Variants in GPR132 observed in about 807,000 individuals in gnomAD.
GPR132 encodes G protein-coupled receptor 132.
Under a neutral mutation model 1.9 loss-of-function variants are expected in GPR132, and 4 were observed. The observed-to-expected ratio is 2.13, with a 90% confidence interval of 1.05 to 4.87. The LOEUF (loss-of-function observed/expected upper bound fraction) is 4.87. GPR132 is among the 30% of genes most tolerant of loss of function. The probability of loss-of-function intolerance (pLI) is 0.01; values close to 1 mark genes in which losing one functional copy is unlikely to be tolerated. For synonymous variants in GPR132, 233 were observed against 234.2 expected, an observed-to-expected ratio of 0.99 and a Z score of 0.05; for missense variants, 404 against 512.5, an observed-to-expected ratio of 0.79 and a Z score of 2.04.
rs1399482831 is a variant in GPR132, at chr14:105,055,503, C to T, written c.-83G>A. The T allele has an allele frequency of 1.7e-5, 13 of 769,000 alleles. No homozygotes were observed. The East Asian group carries it at 2.9e-4, about 17-fold the overall frequency. The allele number at this position is 769,000 out of a possible 1,614,324, so 47.6% of individuals were successfully genotyped here. A position where few individuals can be genotyped will look rare whatever the true frequency, so the allele number is the denominator to read the frequency against. On this transcript the variant is annotated 5_prime_UTR_variant, in exon 3 of 4. In the 5' UTR this introduces an upstream ATG that the reference lacks. Transcript: ENST00000329797. This position sits in a 1 kb window ranked among gnomAD's most constrained non-coding sequence, Gnocchi z 4.7. ...AACGGAGACTCTGCCCCAGGAAGCA[C>T]TCGCTCCGCATTTGCTCCCAGCCCC...
chr14:105,053,474 C>T (rs1384001398), intron 3 of GPR132, among the ~76,000 whole-genome samples: 2 of 152,096 alleles, frequency 1.3e-5, no homozygotes, highest in Non-Finnish European at 2.9e-5. Flanking sequence ...TGTAGTCTTA[C>T]CACATATTTG....
Position 105,060,389 on chromosome 14 carries a change from A to G in GPR132, c.-860-3109T>C, listed in dbSNP as rs59889078. On this transcript the variant is annotated intron_variant, in intron 1 of 3. Transcript: ENST00000329797. This position sits in a 1 kb window ranked among gnomAD's most constrained non-coding sequence, Gnocchi z 6.3. ...GCTGGGGGCATGTCAGAGCCACCTG[A>G]GACCAGTCCTGTTCCTTCTGAGCCC... 1.5e-3 allele frequency among the ~76,000 whole-genome samples: 226 copies of G among 152,238 alleles called. 6 individuals carry two copies. The East Asian group carries it at 0.027, about 18-fold the overall frequency.
chr14:105,057,716 T>C (rs994354295), intron 1 of GPR132, among the ~76,000 whole-genome samples: 1 of 139,564 alleles, frequency 7.2e-6, no homozygotes, highest in Non-Finnish European at 1.5e-5. Context: ...TGAGACAGAG[T>C]CGCACTCTGT....
At chr14:105,057,779 C>G (rs891269632) in intron 1 of GPR132, among the ~76,000 whole-genome samples, 4 of 151,536 alleles carry the variant, frequency 2.6e-5, no homozygotes, top group Non-Finnish European at 4.4e-5. Flanking sequence ...ACCTCCGCCT[C>G]CTGGGTTCAA....
In GPR132 at chr14:105,055,298, G is replaced by C. The variant is rs570208913; in HGVS notation, c.34+89C>G. The C allele has an allele frequency of 3.9e-6, 3 of 775,814 alleles. No homozygotes were observed. The South Asian group carries it at 4.0e-5, about 10-fold the overall frequency. The allele number at this position is 775,814 out of a possible 1,614,324, so 48.1% of individuals were successfully genotyped here. On this transcript the variant is annotated intron_variant, in intron 3 of 3. Transcript: ENST00000329797. This position sits in a 1 kb window ranked among gnomAD's most constrained non-coding sequence, Gnocchi z 4.7. ...GCCGAGATTGTGCCACTGCACTCCA[G>C]CCTGGGCGATAGAGTGAGACTCAAT...
chr14:105,053,174 G>A (rs1886698768), intron 3 of GPR132, among the ~76,000 whole-genome samples: 1 of 119,710 alleles, frequency 8.4e-6, no homozygotes, highest in Admixed American at 9.2e-5. Flanking sequence ...TTTTTTTGGA[G>A]ATGGAGTCTC....
chr14:105,061,745 G>T lies in GPR132; in HGVS notation c.-861+3634C>A, dbSNP rs570009827. On this transcript the variant is annotated intron_variant, in intron 1 of 3. Coordinates refer to ENST00000329797, the MANE Select transcript of GPR132 (RefSeq NM_013345.4). ...CAGGAAGCAGGCACCACCCTCCTGG[G>T]GGGGGGGAGTCCCTCCTGGGCTGTG... Among the ~76,000 whole-genome samples, 29 of 152,280 alleles carry T rather than the reference G, an allele frequency of 1.9e-4. No homozygotes were observed. In the Middle Eastern group the frequency reaches 0.017, roughly 89 times the overall value.
chr14:105,054,024 C>G, intron 3 of GPR132: 1 of 1,287,086 alleles, frequency 7.8e-7, no homozygotes. Context: ...GTGACTTCCC[C>G]AAGCTCTGCC....
In GPR132 at chr14:105,055,147, T is replaced by C. The variant is rs184455058; in HGVS notation, c.34+240A>G. 2.0e-3 allele frequency among the ~76,000 whole-genome samples: 306 copies of C among 151,310 alleles called. 1 individual carries two copies. The highest frequency in any genetic ancestry group is 7.3e-3 in the African/African-American group (300 of 41,210). ...GAGTTCCAGACCAGCCTGACCAACA[T>C]GGTGAAATCCCATCTCTATTAAAAA... On this transcript the variant is annotated intron_variant, in intron 3 of 3. Coordinates refer to ENST00000329797, the MANE Select transcript of GPR132 (RefSeq NM_013345.4). This position sits in a 1 kb window ranked among gnomAD's most constrained non-coding sequence, Gnocchi z 4.7.
rs745815232 is a variant in GPR132, at chr14:105,051,972, C to T, written c.165G>A (p.Leu55=). The change falls in exon 4 of 4, where the codon CTG becomes CTA. Residue 55 remains leucine (L), a synonymous_variant. Coordinates refer to ENST00000329797, the MANE Select transcript of GPR132 (RefSeq NM_013345.4). The surrounding 1 kb of genome is among the most constrained non-coding windows in gnomAD (Gnocchi z 8.0). ...LVVVYSAVCT[L]GVPANCLTAW... is the part of the protein sequence containing the mutation. ...CAGTCAGGCAGTTGGCCGGCACCCCCAGCGTGCACACCGCGCTGTACACCA... is the reference window on the plus strand; with the variant it reads ...CAGTCAGGCAGTTGGCCGGCACCCCTAGCGTGCACACCGCGCTGTACACCA... The T allele has an allele frequency of 1.1e-5, 17 of 1,613,432 alleles. No homozygotes were observed. The highest frequency in any genetic ancestry group is 2.2e-5 in the East Asian group (1 of 44,878).
At position 105,051,416 on chromosome 14, in the gene GPR132, T is replaced by C. The variant is rs1886636128; in HGVS notation, c.721A>G (p.Lys241Glu). The change falls in exon 4 of 4, where the codon AAG becomes GAG. Residue 241 changes from lysine to glutamate, a missense_variant. Transcript: ENST00000329797. This position sits in a 1 kb window ranked among gnomAD's most constrained non-coding sequence, Gnocchi z 8.0. Reference sequence around the variant, plus strand: ...ACAACCACCGCGATGGCCGAGTGCTTCACCTTGGCCTTCTGGGCAGCGCTT... The same window carrying C: ...ACAACCACCGCGATGGCCGAGTGCTCCACCTTGGCCTTCTGGGCAGCGCTT... ...GLSAAQKAKV[K>E]HSAIAVVVIF... 6.2e-7 allele frequency: 1 copy of C among 1,613,968 alleles called. No individual in the cohort carries two copies. Among genetic ancestry groups the C allele is most frequent in the Non-Finnish European group, 8.5e-7 (1 of 1,180,010 alleles).
chr14:105,050,679 C>T lies in GPR132; in HGVS notation c.*315G>A. On this transcript the variant is annotated 3_prime_UTR_variant, in exon 4 of 4. Transcript: ENST00000329797. This position sits in a 1 kb window ranked among gnomAD's most constrained non-coding sequence, Gnocchi z 4.0. Reference sequence around the variant, plus strand: ...CAGGGCAGCCACCAGGTACCTCTGCCAGCAGGCGTGCTACCTGCCCACAGC... The same window carrying T: ...CAGGGCAGCCACCAGGTACCTCTGCTAGCAGGCGTGCTACCTGCCCACAGC... The T allele has an allele frequency of 2.3e-6, 1 of 442,866 alleles. No individual in the cohort carries two copies. Among genetic ancestry groups the T allele is most frequent in the Non-Finnish European group, 4.1e-6 (1 of 243,958 alleles). The allele number at this position is 442,866 out of a possible 1,614,324, so 27.4% of individuals were successfully genotyped here.
At position 105,057,276 on chromosome 14, in the gene GPR132, ATGACCTGG is replaced by A; in HGVS notation, c.-860-4_-857del. 1 of 796,682 alleles carries A rather than the reference ATGACCTGG, an allele frequency of 1.3e-6. No homozygotes were observed. The highest frequency in any genetic ancestry group is 1.7e-5 in the African/African-American group (1 of 58,622). The allele number at this position is 796,682 out of a possible 1,614,324, so 49.4% of individuals were successfully genotyped here. The stretch of plus-strand genomic sequence containing the variant: ...AAGACGTTCACTCTGAGAGTTTAAA[ATGACCTGG>A]AAAAAGAGTAGGTTGAAATTGTTTT... On this transcript the variant is annotated splice_acceptor_variant and splice_polypyrimidine_tract_variant and 5_prime_UTR_variant and intron_variant, in exon 2 of 4. Transcript: ENST00000329797. LOFTEE classifies it low-confidence loss of function (5UTR_SPLICE).
In GPR132 at chr14:105,049,787, A is replaced by G. The variant is rs1886581389; in HGVS notation, c.*1207T>C. Reference sequence around the variant, plus strand: ...AGAGCAAGGCCCTGTCTCTAAAAAAATAAATATTAAAAACAAAAACAAAAA... The same window carrying G: ...AGAGCAAGGCCCTGTCTCTAAAAAAGTAAATATTAAAAACAAAAACAAAAA... On this transcript the variant is annotated 3_prime_UTR_variant, in exon 4 of 4. Coordinates refer to ENST00000329797, the MANE Select transcript of GPR132 (RefSeq NM_013345.4). The G allele has an allele frequency of 6.6e-6, 1 of 152,360 alleles. No individual in the cohort carries two copies. The highest frequency in any genetic ancestry group is 1.5e-5 in the Non-Finnish European group (1 of 68,128). 9.4% of individuals were successfully genotyped at this position (152,360 alleles called of 1,614,324 possible).
In GPR132 at chr14:105,056,347, C is replaced by G. The variant is rs1030213261; in HGVS notation, c.-746-181G>C. Reference sequence around the variant, plus strand: ...CCCAGATGGCTCTTTTCCCATCAAACGAGTGCCCCAGCCCCGCTGTGCGAG... The same window carrying G: ...CCCAGATGGCTCTTTTCCCATCAAAGGAGTGCCCCAGCCCCGCTGTGCGAG... On this transcript the variant is annotated intron_variant, in intron 2 of 3. Coordinates refer to ENST00000329797, the MANE Select transcript of GPR132 (RefSeq NM_013345.4). This position sits in a 1 kb window ranked among gnomAD's most constrained non-coding sequence, Gnocchi z 6.0. Among the ~76,000 whole-genome samples the G allele has an allele frequency of 2.6e-5, 4 of 152,308 alleles. No individual in the cohort carries two copies. Among genetic ancestry groups the G allele is most frequent in the Non-Finnish European group, 5.9e-5 (4 of 68,020 alleles).
chr14:105,058,464 T>C (rs1436544589), intron 1 of GPR132, among the ~76,000 whole-genome samples: 1 of 152,274 alleles, frequency 6.6e-6, no homozygotes, highest in Non-Finnish European at 1.5e-5. Context: ...AAATCTTTTT[T>C]TGGCCTATCA....
chr14:105,055,812 A>ACGTGTGG lies in GPR132; in HGVS notation c.-399_-393dup, dbSNP rs201906275. On this transcript the variant is annotated 5_prime_UTR_variant, in exon 3 of 4. It removes the in-frame stop codon of an upstream open reading frame in the 5' UTR. Coordinates refer to ENST00000329797, the MANE Select transcript of GPR132 (RefSeq NM_013345.4). This position sits in a 1 kb window ranked among gnomAD's most constrained non-coding sequence, Gnocchi z 4.7. ...GCCCTTCCATCTTGAGCAATCCTGC[A>ACGTGTGG]CGTGTGGCGTGTGGCGTGTGGCGTG... 4.1e-3 allele frequency: 883 copies of ACGTGTGG among 213,346 alleles called. 9 individuals are homozygous for ACGTGTGG. The highest frequency in any genetic ancestry group is 0.018 in the African/African-American group (802 of 43,990). The allele number at this position is 213,346 out of a possible 1,614,324, so 13.2% of individuals were successfully genotyped here. A position where few individuals can be genotyped will look rare whatever the true frequency, so the allele number is the denominator to read the frequency against.
chr14:105,064,490 C>T (rs568889399), intron 1 of GPR132, among the ~76,000 whole-genome samples: 4 of 152,174 alleles, frequency 2.6e-5, no homozygotes, highest in African/African-American at 9.6e-5. Context: ...TGTGCCAACA[C>T]GCCCGGCTAA....
chr14:105,056,234 A>C lies in GPR132; in HGVS notation c.-746-68T>G. On this transcript the variant is annotated intron_variant, in intron 2 of 3. Coordinates refer to ENST00000329797, the MANE Select transcript of GPR132 (RefSeq NM_013345.4). This position sits in a 1 kb window ranked among gnomAD's most constrained non-coding sequence, Gnocchi z 6.0. Reference sequence around the variant, plus strand: ...CTCAGTTGTCACCACTTCGCCCAAGACACAGGCCTGTGGCGGGCGGCGGGG... The same window carrying C: ...CTCAGTTGTCACCACTTCGCCCAAGCCACAGGCCTGTGGCGGGCGGCGGGG... 1.1e-6 allele frequency: 1 copy of C among 933,804 alleles called. No individual in the cohort carries two copies. The highest frequency in any genetic ancestry group is 1.3e-6 in the Non-Finnish European group (1 of 783,124). 57.8% of individuals were successfully genotyped at this position (933,804 alleles called of 1,614,324 possible). A position where few individuals can be genotyped will look rare whatever the true frequency, so the allele number is the denominator to read the frequency against.
Sources: gnomAD v4.1 joint callset for allele counts (sites outside exome capture counted in the v4.1 genomes callset) on GRCh38, gnomAD v4.1.1 for gene constraint, Gnocchi (gnomAD v3.1) non-coding constraint, MANE v1.5 for transcripts, NCBI Gene and HGNC (gene_info 2026-07-23, HGNC 2026-07-21) for gene names.